KCNQ5: variants seen among roughly 807,000 people sequenced by gnomAD.
KCNQ5 encodes potassium voltage-gated channel subfamily KQT member 5.
In KCNQ5, 30 loss-of-function variants were observed where a neutral mutation model predicts 98.2. The observed-to-expected ratio is 0.31, with a 90% confidence interval of 0.23 to 0.41. The LOEUF (loss-of-function observed/expected upper bound fraction) is 0.41. KCNQ5 is among the 10% of genes least tolerant of loss of function. The pLI is 1.00. For synonymous variants in KCNQ5, 458 were observed against 449.4 expected, an observed-to-expected ratio of 1.02 and a Z score of -0.24; for missense variants, 835 against 1,182.5, an observed-to-expected ratio of 0.71 and a Z score of 4.31.
intron 7 of KCNQ5, among the ~76,000 whole-genome samples, chr6:73,120,098 T>C (rs528609009): frequency 1.8e-5 from 2 of 109,286 alleles, no homozygotes; most frequent in Non-Finnish European, 4.0e-5. Context: ...AAAAAAAAAA[T>C]AGCCAGGCAT....
At position 72,622,639 on chromosome 6, in the gene KCNQ5, GC is replaced by G. The variant is rs758636041; in HGVS notation, c.398+57del. ...CCGCTGCAGGGGACCACTGTCCCTG[GC>G]CCCCTGGGGCGTGCTCCGCGCTCGC... is the stretch of plus-strand genomic sequence containing the variant. On this transcript the variant is annotated intron_variant, in intron 1 of 13. Coordinates refer to ENST00000370398, the MANE Select transcript of KCNQ5 (RefSeq NM_019842.4). This position sits in a 1 kb window ranked among gnomAD's most constrained non-coding sequence, Gnocchi z 6.0. 1.3e-6 allele frequency: 2 copies of G among 1,593,998 alleles called. No homozygotes were observed. The highest frequency in any genetic ancestry group is 1.1e-5 in the South Asian group (1 of 88,950).
chr6:72,907,168 C>T (rs183822786), intron 1 of KCNQ5, among the ~76,000 whole-genome samples: 1 of 152,054 alleles, frequency 6.6e-6, no homozygotes, highest in Non-Finnish European at 1.5e-5. Context: ...AAAAGTCTAC[C>T]CCCGGAGAGG....
At chr6:73,065,169 G>C (rs775843883) in intron 3 of KCNQ5, among the ~76,000 whole-genome samples, 1 of 151,956 alleles carries the variant, frequency 6.6e-6, no homozygotes, top group Non-Finnish European at 1.5e-5. Context: ...GGCCATAACG[G>C]ACAAGTAGTT....
At chr6:72,852,757 T>G (rs968381650) in intron 1 of KCNQ5, among the ~76,000 whole-genome samples, 1 of 149,690 alleles carries the variant, frequency 6.7e-6, no homozygotes, top group Non-Finnish European at 1.5e-5. Flanking sequence ...TATGAGCCCA[T>G]TTTTAAACAC....
chr6:72,664,580 G>A (rs1185103674), intron 1 of KCNQ5, among the ~76,000 whole-genome samples: 7 of 152,042 alleles, frequency 4.6e-5, no homozygotes, highest in Non-Finnish European at 1.0e-4. Context: ...CCTTGAACCT[G>A]GGAGGCAGAG....
chr6:72,894,582 C>G (rs2150186146), intron 1 of KCNQ5, among the ~76,000 whole-genome samples: 1 of 152,304 alleles, frequency 6.6e-6, no homozygotes, highest in Non-Finnish European at 1.5e-5. Flanking sequence ...TTCCCTCTGG[C>G]TTTTGTCTTG....
At chr6:73,169,379 G>A (rs73460418) in intron 10 of KCNQ5, among the ~76,000 whole-genome samples, 8,397 of 152,260 alleles carry the variant, frequency 0.055, 753 homozygotes, top group African/African-American at 0.18. Context: ...TTAGTTACAA[G>A]TCCAAAAACT....
intron 1 of KCNQ5, among the ~76,000 whole-genome samples, chr6:72,906,966 T>C (rs866637785): frequency 6.6e-6 from 1 of 152,102 alleles, no homozygotes; most frequent in Non-Finnish European, 1.5e-5. Flanking sequence ...ATTATGTTAT[T>C]TATTTACTAG....
chr6:72,801,017 A>G (rs1222719030), intron 1 of KCNQ5, among the ~76,000 whole-genome samples: 1 of 151,906 alleles, frequency 6.6e-6, no homozygotes, highest in Non-Finnish European at 1.5e-5. Flanking sequence ...CTGTTCTTTT[A>G]CATTTGCTGA....
At chr6:72,881,902 G>C (rs890118571) in intron 1 of KCNQ5, among the ~76,000 whole-genome samples, 1 of 152,120 alleles carries the variant, frequency 6.6e-6, no homozygotes, top group African/African-American at 2.4e-5. Context: ...ATGTTGGCTA[G>C]CTTATCTCAA....
intron 1 of KCNQ5, among the ~76,000 whole-genome samples, chr6:72,943,105 C>T (rs1199411384): frequency 6.6e-6 from 1 of 152,190 alleles, no homozygotes; most frequent in Non-Finnish European, 1.5e-5. Context: ...ATGTAGCCTG[C>T]ACTGTTAGTA....
intron 1 of KCNQ5, among the ~76,000 whole-genome samples, chr6:72,948,814 T>G (rs1177866769): frequency 1.3e-5 from 2 of 152,150 alleles, no homozygotes; most frequent in African/African-American, 2.4e-5. Flanking sequence ...ATGATGACTT[T>G]AATTGATGTT....
intron 10 of KCNQ5, among the ~76,000 whole-genome samples, chr6:73,159,465 A>G (rs1445543757): frequency 6.6e-6 from 1 of 152,158 alleles, no homozygotes; most frequent in Non-Finnish European, 1.5e-5. Flanking sequence ...CTTCTCATGT[A>G]CCCCTGAACT....
intron 2 of KCNQ5, among the ~76,000 whole-genome samples, chr6:73,035,137 G>A (rs918366129): frequency 6.6e-6 from 1 of 151,946 alleles, no homozygotes; most frequent in Non-Finnish European, 1.5e-5. Flanking sequence ...GAACCACCGC[G>A]CCCGGCCACC....
At chr6:72,680,903 T>G (rs1346244312) in intron 1 of KCNQ5, among the ~76,000 whole-genome samples, 1 of 152,220 alleles carries the variant, frequency 6.6e-6, no homozygotes, top group Non-Finnish European at 1.5e-5. Context: ...GTAGGGAGTT[T>G]TGTGATCTGA....
At chr6:72,857,920 G>A (rs1431599881) in intron 1 of KCNQ5, among the ~76,000 whole-genome samples, 1 of 152,140 alleles carries the variant, frequency 6.6e-6, no homozygotes, top group African/African-American at 2.4e-5. Flanking sequence ...GCTGGGCATT[G>A]GGCAAACTCT....
At chr6:73,160,451 C>T (rs897873529) in intron 10 of KCNQ5, among the ~76,000 whole-genome samples, 1 of 152,132 alleles carries the variant, frequency 6.6e-6, no homozygotes, top group Non-Finnish European at 1.5e-5. Context: ...TTGATGGCTG[C>T]GAGTAGAAGA....
intron 1 of KCNQ5, among the ~76,000 whole-genome samples, chr6:72,856,445 T>TAC (rs759343724): frequency 0.056 from 7,280 of 129,714 alleles, 528 homozygotes; most frequent in African/African-American, 0.17. Flanking sequence ...TATGTATACA[T>TAC]ACACACACAC....
At chr6:73,188,010 G>A (rs527318157) in intron 11 of KCNQ5, among the ~76,000 whole-genome samples, 70 of 152,186 alleles carry the variant, frequency 4.6e-4, no homozygotes, top group African/African-American at 8.0e-4. Context: ...GGGCAGATGC[G>A]TCCCAAACCA....
Sources: gnomAD v4.1 joint callset for allele counts (sites outside exome capture counted in the v4.1 genomes callset) on GRCh38, gnomAD v4.1.1 for gene constraint, Gnocchi (gnomAD v3.1) non-coding constraint, MANE v1.5 for transcripts, NCBI Gene and HGNC (gene_info 2026-07-23, HGNC 2026-07-21) for gene names.